Variants in DDAH1 observed in about 807,000 individuals in gnomAD.
The protein encoded by DDAH1 is N(G),N(G)-dimethylarginine dimethylaminohydrolase 1.
Under a neutral mutation model 28.8 loss-of-function variants are expected in DDAH1, and 19 were observed. The observed-to-expected ratio is 0.66, with a 90% CI of 0.46 to 0.97. The LOEUF (loss-of-function observed/expected upper bound fraction) is 0.97. Among genes scored for constraint, DDAH1 ranks in the 50% least tolerant of loss-of-function variants. DDAH1 has a pLI of 0.00. For missense variants in DDAH1, 326 were observed against 375.9 expected, an observed-to-expected ratio of 0.87 and a Z score of 1.10; for synonymous variants, 153 against 154.4, an observed-to-expected ratio of 0.99 and a Z score of 0.07.
At chr1:85,555,375 C>T (rs1658931313) in intron 1 of DDAH1, among the ~76,000 whole-genome samples, 2 of 152,162 alleles carry the variant, frequency 1.3e-5, no homozygotes, top group Non-Finnish European at 1.5e-5. Context: ...GTAAATTGTC[C>T]TTAGGAAGGT....
At chr1:85,475,379 T>C (rs921865326) in intron 2 of DDAH1, among the ~76,000 whole-genome samples, 3 of 152,264 alleles carry the variant, frequency 2.0e-5, no homozygotes, top group East Asian at 1.9e-4. Context: ...ATAGCAATAG[T>C]TGACTTTCAA....
chr1:85,512,405 CA>C (rs1435093106), intron 1 of DDAH1, among the ~76,000 whole-genome samples: 2 of 152,156 alleles, frequency 1.3e-5, no homozygotes, highest in African/African-American at 4.8e-5. Flanking sequence ...ACTGAATGGG[CA>C]AAAACTGGAA....
intron 1 of DDAH1, among the ~76,000 whole-genome samples, chr1:85,535,200 T>C (rs1478218765): frequency 6.6e-6 from 1 of 152,210 alleles, no homozygotes; most frequent in Non-Finnish European, 1.5e-5. Flanking sequence ...CTTCAAAATA[T>C]ACGTGGGGCA....
Position 85,423,033 on chromosome 1 carries a change from C to A in DDAH1, c.303+41710G>T, listed in dbSNP as rs527948903. Among the ~76,000 whole-genome samples, 3 of 152,292 alleles carry A rather than the reference C, an allele frequency of 2.0e-5. No homozygotes were observed. In the South Asian group the frequency reaches 6.2e-4, roughly 32 times the overall value. On this transcript the variant is annotated intron_variant, in intron 1 of 5. Transcript: ENST00000284031. ...TGGCATTTTGTTATGGCAGGCTGAGCAGATTAGGAGAAATGGCTTTTAATC... is the reference window on the plus strand; with the variant it reads ...TGGCATTTTGTTATGGCAGGCTGAGAAGATTAGGAGAAATGGCTTTTAATC...
At chr1:85,515,663 C>T (rs1303684985) in intron 1 of DDAH1, among the ~76,000 whole-genome samples, 3 of 151,876 alleles carry the variant, frequency 2.0e-5, no homozygotes, top group East Asian at 1.9e-4. Context: ...AATCTTTGTA[C>T]TCCAGTATGT....
At chr1:85,574,784 G>A (rs1442359180) in intron 1 of DDAH1, among the ~76,000 whole-genome samples, 1 of 152,154 alleles carries the variant, frequency 6.6e-6, no homozygotes, top group Non-Finnish European at 1.5e-5. Flanking sequence ...TATGGCTCAT[G>A]CCTGTAATCC....
At chr1:85,503,815 A>T (rs1656912240) in intron 1 of DDAH1, among the ~76,000 whole-genome samples, 1 of 152,128 alleles carries the variant, frequency 6.6e-6, no homozygotes. Flanking sequence ...ATGAGGGAAG[A>T]TCTCTAAGGT....
chr1:85,367,297 C>T (rs560887047), intron 1 of DDAH1, among the ~76,000 whole-genome samples: 7 of 152,280 alleles, frequency 4.6e-5, no homozygotes, highest in Non-Finnish European at 1.0e-4. Context: ...TGACCATATA[C>T]CTGGGTGCTG....
chr1:85,385,916 G>A (rs1651234136), intron 1 of DDAH1, among the ~76,000 whole-genome samples: 1 of 152,116 alleles, frequency 6.6e-6, no homozygotes, highest in Non-Finnish European at 1.5e-5. Context: ...ATCACATGGT[G>A]AGAGAGATGA....
intron 1 of DDAH1, among the ~76,000 whole-genome samples, chr1:85,499,412 C>T (rs543005013): frequency 1.2e-4 from 18 of 152,192 alleles, no homozygotes; most frequent in African/African-American, 3.4e-4. Context: ...CGGTGGCTGA[C>T]GCCTGTAATC....
At chr1:85,379,527 G>T in intron 1 of DDAH1, 1 of 942,492 alleles carries the variant, frequency 1.1e-6, no homozygotes, top group Non-Finnish European at 1.3e-6. Context: ...ATTTCAAAAA[G>T]CTTTTTACCT....
chr1:85,426,395 T>C (rs543722621), intron 1 of DDAH1, among the ~76,000 whole-genome samples: 1 of 152,324 alleles, frequency 6.6e-6, no homozygotes, highest in African/African-American at 2.4e-5. Flanking sequence ...TGTCATTATG[T>C]AGCAAGTGCC....
At chr1:85,326,659 C>A (rs1320740398) in intron 4 of DDAH1, among the ~76,000 whole-genome samples, 1 of 152,236 alleles carries the variant, frequency 6.6e-6, no homozygotes. Flanking sequence ...CATTCTCTGG[C>A]AGTACCATTA....
rs532221205 is a variant in DDAH1 at position 85,337,153 on chromosome 1, C to G, written c.598-12270G>C. ...TCTCTAACTCAGCTCCAATTAAAAT[C>G]CTCATTCTTGTTTCTTGTTTTATAT... is the stretch of plus-strand genomic sequence containing the variant. On this transcript the variant is annotated intron_variant, in intron 4 of 5. Transcript: ENST00000284031. Among the ~76,000 whole-genome samples, 4 of 152,198 alleles carry G rather than the reference C, an allele frequency of 2.6e-5. No individual in the cohort carries two copies. The South Asian group carries it at 8.3e-4, about 32-fold the overall frequency.
At chr1:85,439,382 T>C (rs912911182) in intron 1 of DDAH1, among the ~76,000 whole-genome samples, 1 of 152,216 alleles carries the variant, frequency 6.6e-6, no homozygotes, top group Admixed American at 6.5e-5. Flanking sequence ...TGCGAGTAAA[T>C]GTCATAGGAC....
chr1:85,487,049 T>G (rs1656230004), intron 2 of DDAH1, among the ~76,000 whole-genome samples: 1 of 152,204 alleles, frequency 6.6e-6, no homozygotes. Flanking sequence ...CGTAAAACAA[T>G]TGGATGTTTA....
At chr1:85,529,440 T>C (rs1658004400) in intron 1 of DDAH1, among the ~76,000 whole-genome samples, 1 of 151,872 alleles carries the variant, frequency 6.6e-6, no homozygotes, top group Non-Finnish European at 1.5e-5. Flanking sequence ...ATAGATTCCC[T>C]GGACAGCAAA....
intron 2 of DDAH1, among the ~76,000 whole-genome samples, chr1:85,483,556 G>T (rs1570596967): frequency 1.3e-5 from 2 of 152,186 alleles, no homozygotes; most frequent in Admixed American, 6.5e-5. Context: ...AATGTGGTGA[G>T]TATATCTGTT....
chr1:85,549,394 T>A (rs533087814), intron 1 of DDAH1, among the ~76,000 whole-genome samples: 1 of 152,304 alleles, frequency 6.6e-6, no homozygotes, highest in East Asian at 1.9e-4. Context: ...ATTCAATAGA[T>A]CTGGAAAGAG....
Sources: gnomAD v4.1 joint callset for allele counts (sites outside exome capture counted in the v4.1 genomes callset) on GRCh38, gnomAD v4.1.1 for gene constraint, MANE v1.5 for transcripts, NCBI Gene and HGNC (gene_info 2026-07-23, HGNC 2026-07-21) for gene names.